Variants in ITSN1 observed in about 807,000 individuals in gnomAD.
ITSN1 encodes intersectin 1, also known as intersectin-1.
Under a neutral mutation model 239.8 loss-of-function variants are expected in ITSN1, and 58 were observed. The observed-to-expected ratio is 0.24, with a 90% CI of 0.20 to 0.30. The LOEUF (loss-of-function observed/expected upper bound fraction) is 0.30, where lower values mean the gene tolerates loss of function less well. Among genes scored for constraint, ITSN1 ranks in the 10% least tolerant of loss-of-function variants. ITSN1 has a pLI of 1.00. For missense variants in ITSN1, 1,558 were observed against 2,103.3 expected (o/e 0.74, Z 5.07); for synonymous variants, 780 against 770.8 (o/e 1.01, Z -0.20).
chr21:33,855,178 C>A (rs916855888), intron 29 of ITSN1, among the ~76,000 whole-genome samples: 1 of 152,198 alleles, frequency 6.6e-6, no homozygotes, highest in Admixed American at 6.5e-5. Context: ...CTCGAGGAAC[C>A]CCTGCTAGGC....
At chr21:33,676,867 CTGCAT>C (rs2090624243) in intron 1 of ITSN1, among the ~76,000 whole-genome samples, 1 of 152,112 alleles carries the variant, frequency 6.6e-6, no homozygotes, top group Admixed American at 6.5e-5. Flanking sequence ...TTTTCTATGG[CTGCAT>C]AGTATTTCAT....
In ITSN1 at chr21:33,865,604, T is replaced by C. The variant is rs115804054; in HGVS notation, c.4074+270T>C. Among the ~76,000 whole-genome samples the C allele has an allele frequency of 9.1e-4, 139 of 152,352 alleles. No individual in the cohort carries two copies. The highest frequency in any genetic ancestry group is 3.2e-3 in the African/African-American group (133 of 41,580). ...GTTTTCCAGATGCTATTGGTGTTAT[T>C]TGGATGCATGTTTAAATCTTTCATT... On this transcript the variant is annotated intron_variant, in intron 32 of 39. Coordinates refer to ENST00000381318, the MANE Select transcript of ITSN1 (RefSeq NM_003024.3). The surrounding 1 kb of genome is among the most constrained non-coding windows in gnomAD (Gnocchi z 4.4).
chr21:33,832,618 G>A (rs990163781), intron 27 of ITSN1, among the ~76,000 whole-genome samples: 2 of 151,878 alleles, frequency 1.3e-5, no homozygotes, highest in African/African-American at 2.4e-5. Flanking sequence ...GGAAAGAGTG[G>A]TGTCATTGCG....
At chr21:33,684,055 T>A (rs2091112675) in intron 1 of ITSN1, among the ~76,000 whole-genome samples, 1 of 152,228 alleles carries the variant, frequency 6.6e-6, no homozygotes. Context: ...CCCTGTGAGT[T>A]AGTCTTCATT....
chr21:33,767,093 A>G (rs1467831527), intron 10 of ITSN1, among the ~76,000 whole-genome samples: 4 of 152,122 alleles, frequency 2.6e-5, no homozygotes, highest in African/African-American at 9.7e-5. Flanking sequence ...GCTTGAGCCC[A>G]GGAGGCGGAG....
intron 29 of ITSN1, 61 bp downstream of exon 29, chr21:33,836,693 C>A: frequency 1.5e-6 from 2 of 1,316,890 alleles, no homozygotes; most frequent in Non-Finnish European, 2.2e-6. Context: ...AAACATGCAG[C>A]ATTGCTCTGA....
intron 39 of ITSN1, 44 bp downstream of exon 39, chr21:33,886,504 C>T: frequency 6.8e-7 from 1 of 1,477,672 alleles, no homozygotes; most frequent in Non-Finnish European, 9.1e-7. Flanking sequence ...TTCCCTGGCA[C>T]TCGTTTGCGT....
chr21:33,702,836 G>C (rs980909232), intron 1 of ITSN1, among the ~76,000 whole-genome samples: 1 of 152,166 alleles, frequency 6.6e-6, no homozygotes, highest in African/African-American at 2.4e-5. Context: ...CTAGCACTTT[G>C]GGAGGCTGAG....
rs374055502 is a variant in ITSN1, at chr21:33,888,301, G to A, written c.*1G>A. 19 of 1,611,610 alleles carry A rather than the reference G, an allele frequency of 1.2e-5. No homozygotes were observed. The highest frequency in any genetic ancestry group is 1.5e-5 in the Non-Finnish European group (18 of 1,178,882). ...CCTGCAGTTGTTTGATGAGCCGTAG[G>A]CAGCGGGCTCAGGGTGTGCTCAGCA... On this transcript the variant is annotated 3_prime_UTR_variant, in exon 40 of 40. Transcript: ENST00000381318.
chr21:33,874,452 G>T (rs1489758341), intron 33 of ITSN1, among the ~76,000 whole-genome samples: 1 of 152,088 alleles, frequency 6.6e-6, no homozygotes, highest in East Asian at 1.9e-4. Context: ...CCCTCCAAGG[G>T]CACCTGTTGG....
At chr21:33,848,309 G>T (rs535225106) in intron 29 of ITSN1, among the ~76,000 whole-genome samples, 2 of 152,256 alleles carry the variant, frequency 1.3e-5, no homozygotes, top group Non-Finnish European at 2.9e-5. Flanking sequence ...ACACACAGAC[G>T]CTGGAGATGT....
intron 1 of ITSN1, among the ~76,000 whole-genome samples, chr21:33,669,365 G>A (rs1016115186): frequency 6.6e-6 from 1 of 152,016 alleles, no homozygotes. Flanking sequence ...TTATAGGTGT[G>A]AGCCACCATG....
At chr21:33,709,882 A>G (rs1172753023) in intron 1 of ITSN1, among the ~76,000 whole-genome samples, 1 of 151,882 alleles carries the variant, frequency 6.6e-6, no homozygotes, top group East Asian at 1.9e-4. Flanking sequence ...TTGTCTTATT[A>G]CTTTATTGAG....
rs1471459198 is a variant in ITSN1, at chr21:33,718,935, T to G, written c.28+79T>G. On this transcript the variant is annotated intron_variant, in intron 2 of 39. Transcript: ENST00000381318. ...ACTTGATATTATGGCAAATTTAAAA[T>G]TAAAAAGTAGAGAAAATAATATAAT... The G allele has an allele frequency of 5.4e-6, 6 of 1,116,366 alleles. No homozygotes were observed. In the East Asian group the frequency reaches 1.4e-4, roughly 27 times the overall value. 69.2% of individuals were successfully genotyped at this position (1,116,366 alleles called of 1,614,324 possible). A position where few individuals can be genotyped will look rare whatever the true frequency, so the allele number is the denominator to read the frequency against.
chr21:33,833,005 C>G (rs146431618), intron 27 of ITSN1, among the ~76,000 whole-genome samples: 1 of 151,498 alleles, frequency 6.6e-6, no homozygotes, highest in East Asian at 1.9e-4. Flanking sequence ...TGTTTCTAGA[C>G]GTGTGTGTGT....
At chr21:33,800,779 CTT>C (rs2148074827) in intron 19 of ITSN1, among the ~76,000 whole-genome samples, 1 of 150,016 alleles carries the variant, frequency 6.7e-6, no homozygotes, top group South Asian at 2.1e-4. Context: ...CTGCATTACT[CTT>C]AACATTTTTT....
rs567090839 is a variant in ITSN1, at chr21:33,706,969, C to T, written c.-32-11828C>T. Among the ~76,000 whole-genome samples, 462 of 152,232 alleles carry T rather than the reference C, an allele frequency of 3.0e-3. 4 individuals are homozygous for T. Among genetic ancestry groups the T allele is most frequent in the African/African-American group, 0.01 (435 of 41,522 alleles). On this transcript the variant is annotated intron_variant, in intron 1 of 39. Coordinates refer to ENST00000381318, the MANE Select transcript of ITSN1 (RefSeq NM_003024.3). ...AACTCCTGACCTCAAGTGATCCACC[C>T]GCCTCGGCCTCCCAAAGTGCTGGGA...
intron 14 of ITSN1, among the ~76,000 whole-genome samples, chr21:33,777,243 G>A (rs2069712703): frequency 6.6e-6 from 1 of 152,078 alleles, no homozygotes; most frequent in African/African-American, 2.4e-5. Context: ...TTTTCCCATT[G>A]AGTTACCTTG....
intron 33 of ITSN1, among the ~76,000 whole-genome samples, chr21:33,874,308 C>G (rs1983300879): frequency 6.6e-6 from 1 of 152,118 alleles, no homozygotes; most frequent in Non-Finnish European, 1.5e-5. Flanking sequence ...AAAGCGCACA[C>G]TTGCTCTGAT....
Sources: allele counts gnomAD v4.1 joint callset (sites outside exome capture counted in the v4.1 genomes callset), GRCh38; gene constraint gnomAD v4.1.1; non-coding constraint Gnocchi (gnomAD v3.1); transcripts MANE v1.5; gene names NCBI Gene and HGNC (gene_info 2026-07-23, HGNC 2026-07-21).